The following SMIM7 variants were observed in gnomAD, a reference collection of about 807,000 sequenced individuals.
SMIM7 encodes the protein UPF0608 protein C19orf42.
SMIM7 carries 12 observed loss-of-function variants against 13.3 expected under a neutral mutation model. That is an observed-to-expected ratio of 0.90 (90% CI 0.58 to 1.46). The LOEUF is 1.46. SMIM7 is among the 40% of genes most tolerant of loss of function. SMIM7 has a pLI of 0.00. For synonymous variants in SMIM7, 36 were observed against 35.8 expected (o/e 1.01, Z -0.02); for missense variants, 114 against 94.8 (o/e 1.20, Z -0.84).
intron 4 of SMIM7, among the ~76,000 whole-genome samples, chr19:16,632,992 T>C (rs935139637): frequency 1.1e-4 from 17 of 152,134 alleles, no homozygotes; most frequent in East Asian, 3.8e-4. Context: ...GAGTGAAAGA[T>C]TGGAAGCAAT....
intron 4 of SMIM7, among the ~76,000 whole-genome samples, chr19:16,637,139 GTGC>G (rs2086366440): frequency 6.6e-6 from 1 of 152,168 alleles, no homozygotes; most frequent in African/African-American, 2.4e-5. Context: ...CCTGGCTACT[GTGC>G]TGCTGAACAC....
At chr19:16,652,967 G>A (rs2086547902) in intron 4 of SMIM7, 3 of 1,550,138 alleles carry the variant, frequency 1.9e-6, no homozygotes, top group Non-Finnish European at 2.6e-6. Context: ...TCAGCCTAAT[G>A]AGAAAATGAA....
downstream of SMIM7, chr19:16,646,135 T>C (rs899933922): frequency 6.7e-6 from 1 of 149,550 alleles, no homozygotes; most frequent in Non-Finnish European, 1.5e-5. Context: ...AAAAAAAAAG[T>C]ATAAACAAAA....
chr19:16,632,404 T>A (rs1367199482), intron 4 of SMIM7, among the ~76,000 whole-genome samples: 1 of 151,580 alleles, frequency 6.6e-6, no homozygotes, highest in East Asian at 1.9e-4. Flanking sequence ...TACAGAAAGG[T>A]TCCAGTTCTG....
exon 5 of SMIM7, chr19:16,631,620 G>C (rs2086322011): frequency 6.6e-6 from 1 of 152,184 alleles, no homozygotes; most frequent in Non-Finnish European, 1.5e-5. Flanking sequence ...GCCGTGACGA[G>C]GCAGGTTCAC....
intron 3 of SMIM7, among the ~76,000 whole-genome samples, chr19:16,657,703 G>A (rs541666672): frequency 1.8e-4 from 28 of 152,272 alleles, no homozygotes; most frequent in African/African-American, 6.0e-4. Flanking sequence ...CCAAGGGCAG[G>A]CCCCCAAAAA....
At position 16,659,405 on chromosome 19, in the gene SMIM7, C is replaced by T. The variant is rs765160738; in HGVS notation, c.111G>A (p.Glu37=). Residue 37 remains glutamate, a synonymous_variant, in exon 3 of 5, where the codon GAG becomes GAA. Coordinates refer to ENST00000487416, the MANE Select transcript of SMIM7 (RefSeq NM_024104.4). Reference sequence around the variant, plus strand: ...CCAATTAGACCTTACCTGTGCTGGGCTCCCTGGACTCCTCCCCAAAGCCCT... The same window carrying T: ...CCAATTAGACCTTACCTGTGCTGGGTTCCCTGGACTCCTCCCCAAAGCCCT... ...DTQGFGEESR[E]PSTGDNIREF... 1 of 1,613,802 alleles carries T rather than the reference C, an allele frequency of 6.2e-7. No individual in the cohort carries two copies. The highest frequency in any genetic ancestry group is 2.2e-5 in the East Asian group (1 of 44,888).
At chr19:16,653,984 G>C (rs1568306091) in intron 4 of SMIM7, 51 bp downstream of exon 4, 1 of 1,478,878 alleles carries the variant, frequency 6.8e-7, no homozygotes, top group Admixed American at 1.7e-5. Flanking sequence ...GGTCACCCTG[G>C]AGAAGGAGAC....
chr19:16,659,308 A>G, intron 3 of SMIM7, 87 bp downstream of exon 3: 3 of 1,129,260 alleles, frequency 2.7e-6, no homozygotes, highest in Non-Finnish European at 3.8e-6. Context: ...AAAAAAAGAG[A>G]AAGAAAGAAA....
At chr19:16,653,325 G>GT (rs1219133712) in intron 4 of SMIM7, among the ~76,000 whole-genome samples, 1 of 152,210 alleles carries the variant, frequency 6.6e-6, no homozygotes, top group Non-Finnish European at 1.5e-5. Context: ...GCTCACATCT[G>GT]TAATCTCAGC....
chr19:16,648,060 G>A lies in SMIM7; in HGVS notation c.213-799C>T, dbSNP rs564773147. On this transcript the variant is annotated intron_variant, in intron 4 of 4. Transcript: ENST00000487416. ...TACGTGTACATCTTTGTAACCTTGG[G>A]TTACACAATGATTTCTTACTATAAT... is the stretch of plus-strand genomic sequence containing the variant. Among the ~76,000 whole-genome samples, 4 of 152,134 alleles carry A rather than the reference G, an allele frequency of 2.6e-5. No individual in the cohort carries two copies. The South Asian group carries it at 8.3e-4, about 32-fold the overall frequency.
At chr19:16,659,867 G>A in intron 2 of SMIM7, 92 bp downstream of exon 2, 1 of 1,503,820 alleles carries the variant, frequency 6.6e-7, no homozygotes, top group South Asian at 1.2e-5. Context: ...CGGCTTGGGG[G>A]CGGGGCCTGA....
intron 2 of SMIM7, 119 bp from the exon 3 acceptor site, chr19:16,659,566 CTG>C: frequency 1.0e-6 from 1 of 996,662 alleles, no homozygotes; most frequent in Non-Finnish European, 1.5e-6. Flanking sequence ...CGCAAACTTG[CTG>C]TGTGACCTCT....
intron 4 of SMIM7, among the ~76,000 whole-genome samples, chr19:16,651,733 G>C (rs1350757776): frequency 6.6e-6 from 1 of 150,938 alleles, no homozygotes; most frequent in Non-Finnish European, 1.5e-5. Context: ...CCCTGCCCCA[G>C]GACCTTTGCA....
At chr19:16,639,144 C>G (rs1173967591) in intron 4 of SMIM7, among the ~76,000 whole-genome samples, 1 of 133,416 alleles carries the variant, frequency 7.5e-6, no homozygotes, top group African/African-American at 3.0e-5. Context: ...TTTTTTGAGA[C>G]GGAGTCTTGC....
At chr19:16,651,170 C>CGA (rs1164553639) in intron 4 of SMIM7, among the ~76,000 whole-genome samples, 2 of 152,222 alleles carry the variant, frequency 1.3e-5, no homozygotes, top group African/African-American at 4.8e-5. Flanking sequence ...AATCTTCTCT[C>CGA]ACCCATGGCC....
chr19:16,635,362 CAAAA>C (rs34121937), intron 4 of SMIM7: 3 of 95,476 alleles, frequency 3.1e-5, no homozygotes, highest in African/African-American at 3.6e-5. Flanking sequence ...GACACCATCT[CAAAA>C]AAAAAAAAAA....
At chr19:16,632,577 G>A (rs2086329881) in intron 4 of SMIM7, among the ~76,000 whole-genome samples, 2 of 118,566 alleles carry the variant, frequency 1.7e-5, no homozygotes, top group African/African-American at 6.8e-5. Flanking sequence ...TCGCTTTGTT[G>A]CCCAGGCTGG....
chr19:16,657,230 G>T (rs931625965), intron 3 of SMIM7, among the ~76,000 whole-genome samples: 7 of 152,228 alleles, frequency 4.6e-5, no homozygotes, highest in Non-Finnish European at 1.5e-5. Flanking sequence ...GAAGCAGCAG[G>T]TGCAGCACCT....
Sources: allele counts gnomAD v4.1 joint callset (sites outside exome capture counted in the v4.1 genomes callset), GRCh38; gene constraint gnomAD v4.1.1; transcripts MANE v1.5; gene names NCBI Gene and HGNC (gene_info 2026-07-23, HGNC 2026-07-21).